The following CFAP46 variants were observed in gnomAD, a reference collection of about 807,000 sequenced individuals.
The protein encoded by CFAP46 is cilia- and flagella-associated protein 46.
CFAP46 carries 245 observed loss-of-function variants against 325.7 expected under a neutral mutation model. The observed-to-expected ratio is 0.75, with a 90% CI of 0.68 to 0.84. The LOEUF (loss-of-function observed/expected upper bound fraction) is 0.84. Ranked by LOEUF, CFAP46 falls within the 40% of genes least tolerant of loss-of-function variation. The pLI, the probability that CFAP46 is intolerant of heterozygous loss-of-function variation, is 0.00. For missense variants in CFAP46, 3,346 were observed against 3,543.0 expected, an observed-to-expected ratio of 0.94 and a Z score of 1.41; for synonymous variants, 1,523 against 1,495.9, an observed-to-expected ratio of 1.02 and a Z score of -0.42.
rs1182388080 is a variant in CFAP46 at position 132,847,268 on chromosome 10, C to G, written c.6006G>C (p.Glu2002Asp). 6.2e-7 allele frequency: 1 copy of G among 1,613,452 alleles called. No individual in the cohort carries two copies. Among genetic ancestry groups the G allele is most frequent in the East Asian group, 2.2e-5 (1 of 44,858 alleles). The change falls in exon 42 of 58, where the codon GAG (glutamate) becomes GAC (aspartate). Residue 2002 changes from glutamate to aspartate, a missense_variant. Coordinates refer to ENST00000368586, the MANE Select transcript of CFAP46 (RefSeq NM_001200049.3). The surrounding 1 kb of genome is among the most constrained non-coding windows in gnomAD (Gnocchi z 5.2). ...LKSLELEVEE[E>D]GATKSSRDPP... ...GGTCCCTGCTGGACTTTGTGGCACC[C>G]TCTTCCTCTACCTCCAGCTCCAGAG...
chr10:132,910,036 C>A lies in CFAP46; in HGVS notation c.2532G>T (p.Gly844=). The A allele has an allele frequency of 6.5e-7, 1 of 1,530,220 alleles. No homozygotes were observed. The highest frequency in any genetic ancestry group is 8.8e-7 in the Non-Finnish European group (1 of 1,138,318). 94.8% of individuals were successfully genotyped at this position (1,530,220 alleles called of 1,614,324 possible). The change falls in exon 20 of 58, where the codon GGG becomes GGT. Residue 844 remains glycine, a synonymous_variant. Coordinates refer to ENST00000368586, the MANE Select transcript of CFAP46 (RefSeq NM_001200049.3). ...VCEFALNLTN[G]SAPEETVPTG... ...TGGGCACCGTCTCCTCGGGCGCACT[C>A]CCATTGGTCAGGTTCAGGGCAAACT...
At chr10:132,811,302 C>T (rs1258667614) in intron 55 of CFAP46, among the ~76,000 whole-genome samples, 1 of 152,214 alleles carries the variant, frequency 6.6e-6, no homozygotes. Context: ...CCCACCTGGG[C>T]TCCCCCAGCC....
chr10:132,833,918 G>A, intron 49 of CFAP46, 123 bp downstream of exon 49: 3 of 845,338 alleles, frequency 3.5e-6, no homozygotes, highest in South Asian at 1.5e-5. Context: ...GAGCAGCAGG[G>A]CTTGTGGGAC....
chr10:132,836,961 G>A (rs748276239), intron 44 of CFAP46, 47 bp from the exon 45 acceptor site: 5 of 1,396,032 alleles, frequency 3.6e-6, no homozygotes, highest in East Asian at 2.3e-5. Flanking sequence ...AGGACGCAAG[G>A]ACGTCGCTGT....
chr10:132,885,061 G>C (rs1199673691), intron 27 of CFAP46, 42 bp downstream of exon 27: 2 of 1,517,184 alleles, frequency 1.3e-6, no homozygotes, highest in Non-Finnish European at 1.8e-6. Context: ...TTTCACTAAA[G>C]GACAAATTTT....
At chr10:132,932,767 C>T (rs1467311526) in intron 8 of CFAP46, among the ~76,000 whole-genome samples, 1 of 152,270 alleles carries the variant, frequency 6.6e-6, no homozygotes, top group Non-Finnish European at 1.5e-5. Context: ...CATGCAAGGA[C>T]CCACAGTGCT....
intron 50 of CFAP46, among the ~76,000 whole-genome samples, chr10:132,820,796 ACTGATGTGTGCTGTGTGTG>A (rs1847787634): frequency 9.6e-6 from 1 of 104,344 alleles, no homozygotes; most frequent in Non-Finnish European, 1.9e-5. Context: ...CTGTGTGAGC[ACTGATGTGTGCTGTGTGTG>A]CTGATGTGTG....
At chr10:132,835,031 A>T (rs1848216715) in intron 47 of CFAP46, among the ~76,000 whole-genome samples, 1 of 152,026 alleles carries the variant, frequency 6.6e-6, no homozygotes, top group South Asian at 2.1e-4. Flanking sequence ...AGCCGGGCCC[A>T]GGTGACCCTG....
intron 44 of CFAP46, 42 bp from the exon 45 acceptor site, chr10:132,836,956 G>T (rs1044601571): frequency 1.4e-6 from 2 of 1,427,342 alleles, no homozygotes; most frequent in Non-Finnish European, 2.0e-6. Context: ...CATTTAGGAC[G>T]CAAGGACGTC....
In CFAP46 at chr10:132,847,077, T is replaced by G; in HGVS notation, c.6122A>C (p.Gln2041Pro). ...GCACTGCAGCAGCACCTCTGACGCC[T>G]GAGCCAGGTACTGCTGGGCCAGAAC... ...RMVLAQQYLA[Q>P]ASEVLLQCLQ... Residue 2041 changes from glutamine to proline, a missense_variant, in exon 43 of 58, where the codon CAG becomes CCG. Transcript: ENST00000368586. This position sits in a 1 kb window ranked among gnomAD's most constrained non-coding sequence, Gnocchi z 5.2. 6.2e-7 allele frequency: 1 copy of G among 1,612,356 alleles called. No homozygotes were observed.
intron 50 of CFAP46, among the ~76,000 whole-genome samples, chr10:132,819,438 C>T (rs2134810822): frequency 6.6e-6 from 1 of 152,298 alleles, no homozygotes; most frequent in South Asian, 2.1e-4. Context: ...ATAATCAAAG[C>T]AATCCTGAGC....
Position 132,924,753 on chromosome 10 carries a change from C to T in CFAP46, c.1199G>A (p.Arg400Gln), listed in dbSNP as rs1484329565. The change falls in exon 11 of 58, where the codon CGG (arginine) becomes CAG (glutamine). Residue 400 changes from arginine to glutamine, a missense_variant. By Grantham distance (43) the Arg-to-Gln change is conservative. Transcript: ENST00000368586. ...AGCCAGGGGCTTCCGCAGGTGGTGC[C>T]GCAGGTTGTGCTGCAGCAGGGGCAG... ...TCLPLLQHNL[R>Q]HHLRKPLAGV... 1.2e-5 allele frequency: 19 copies of T among 1,538,848 alleles called. No individual in the cohort carries two copies. The highest frequency in any genetic ancestry group is 1.6e-5 in the Non-Finnish European group (18 of 1,141,796).
Position 132,840,647 on chromosome 10 carries a change from A to C in CFAP46, c.6439-3733T>G, listed in dbSNP as rs377359106. Among the ~76,000 whole-genome samples the C allele has an allele frequency of 1.6e-3, 248 of 152,306 alleles. 2 individuals are homozygous for C. Among genetic ancestry groups the C allele is most frequent in the African/African-American group, 5.6e-3 (233 of 41,556 alleles). On this transcript the variant is annotated intron_variant, in intron 44 of 57. Transcript: ENST00000368586. ...CATTCTCTAAGTCAGTTTAAGTCTA[A>C]GTCAGTTTAAAGTGTTTTCTGAATT...
At position 132,814,341 on chromosome 10, in the gene CFAP46, C is replaced by T. The variant is rs191402293; in HGVS notation, c.7286-87G>A. 4.8e-4 allele frequency: 558 copies of T among 1,161,640 alleles called. 2 individuals are homozygous for T. Among genetic ancestry groups the T allele is most frequent in the Non-Finnish European group, 6.0e-4 (478 of 796,444 alleles). 72.0% of individuals were successfully genotyped at this position (1,161,640 alleles called of 1,614,324 possible). A position where few individuals can be genotyped will look rare whatever the true frequency, so the allele number is the denominator to read the frequency against. On this transcript the variant is annotated intron_variant, in intron 53 of 57. Coordinates refer to ENST00000368586, the MANE Select transcript of CFAP46 (RefSeq NM_001200049.3). Reference sequence around the variant, plus strand: ...CGGGGTCCCTGGGGAGGGGTCACAGCGAATGCAGGCGCATATATCAGTGCC... The same window carrying T: ...CGGGGTCCCTGGGGAGGGGTCACAGTGAATGCAGGCGCATATATCAGTGCC...
rs554986882 is a variant in CFAP46, at chr10:132,902,608, C to A, written c.2925-2942G>T. Reference sequence around the variant, plus strand: ...CCTCATCTGCTCATGTCAACATACACCACAGCTGGGTCTGTTGGCTGTTTT... The same window carrying A: ...CCTCATCTGCTCATGTCAACATACAACACAGCTGGGTCTGTTGGCTGTTTT... On this transcript the variant is annotated intron_variant, in intron 22 of 57. Transcript: ENST00000368586. 2.0e-5 allele frequency among the ~76,000 whole-genome samples: 3 copies of A among 152,352 alleles called. No individual in the cohort carries two copies. The South Asian group carries it at 6.2e-4, about 32-fold the overall frequency.
Position 132,938,600 on chromosome 10 carries a change from A to G in CFAP46, c.525T>C (p.Ala175=). 1 of 1,613,194 alleles carries G rather than the reference A, an allele frequency of 6.2e-7. No homozygotes were observed. Among genetic ancestry groups the G allele is most frequent in the Non-Finnish European group, 8.5e-7 (1 of 1,179,908 alleles). Residue 175 remains alanine, a synonymous_variant, in exon 5 of 58, where the codon GCT becomes GCC. Transcript: ENST00000368586. ...CGAGCTCAACTCACAGCATCAGCTC[A>G]GCACGCCACTCCTTGTCTTCCTCCT... The part of the protein sequence containing the change: ...QTEEEDKEWR[A]ELMLELLECY...
At chr10:132,834,250 G>C (rs1284423790) in intron 48 of CFAP46, 127 bp from the exon 49 acceptor site, 2 of 871,706 alleles carry the variant, frequency 2.3e-6, no homozygotes, top group Admixed American at 2.3e-5. Context: ...CTCACTTCTG[G>C]GGATGGTCCC....
chr10:132,919,239 A>C lies in CFAP46; in HGVS notation c.1858+76T>G. The C allele has an allele frequency of 6.9e-7, 1 of 1,451,012 alleles. No homozygotes were observed. Among genetic ancestry groups the C allele is most frequent in the Non-Finnish European group, 9.2e-7 (1 of 1,088,506 alleles). 89.9% of individuals were successfully genotyped at this position (1,451,012 alleles called of 1,614,324 possible). On this transcript the variant is annotated intron_variant, in intron 15 of 57. Transcript: ENST00000368586. The surrounding 1 kb of genome is among the most constrained non-coding windows in gnomAD (Gnocchi z 9.7). ...CGAAGGCCCCATGGGTTGTCATTGC[A>C]CGAACCACAACCCTTCCCACACCCA...
Position 132,850,237 on chromosome 10 carries a change from C to A in CFAP46, c.5952+7G>T. The A allele has an allele frequency of 6.5e-7, 1 of 1,550,360 alleles. No homozygotes were observed. The highest frequency in any genetic ancestry group is 8.7e-7 in the Non-Finnish European group (1 of 1,146,760). On this transcript the variant is annotated splice_region_variant and intron_variant, in intron 41 of 57. Coordinates refer to ENST00000368586, the MANE Select transcript of CFAP46 (RefSeq NM_001200049.3). ...GCCAGACTTGGGATAGAAGCAGGAG[C>A]ACCTACCGAGGGGCCCGCCTCCCAG...
Sources: allele counts gnomAD v4.1 joint callset (sites outside exome capture counted in the v4.1 genomes callset), GRCh38; gene constraint gnomAD v4.1.1; non-coding constraint Gnocchi (gnomAD v3.1); transcripts MANE v1.5; gene names NCBI Gene and HGNC (gene_info 2026-07-23, HGNC 2026-07-21).